Variants in FAM81A observed in about 807,000 individuals in gnomAD.
FAM81A encodes the protein family with sequence similarity 81 member A, also known as protein FAM81A.
FAM81A carries 19 observed loss-of-function variants against 46.7 expected under a neutral mutation model. That is an observed-to-expected ratio of 0.41 (90% CI 0.28 to 0.60). The LOEUF is 0.60. Among genes scored for constraint, FAM81A ranks in the 20% least tolerant of loss-of-function variants. The probability of loss-of-function intolerance (pLI) is 0.34; values close to 1 mark genes in which losing one functional copy is unlikely to be tolerated. For synonymous variants in FAM81A, 183 were observed against 152.9 expected, an observed-to-expected ratio of 1.20 and a Z score of -1.45; for missense variants, 377 against 453.5, an observed-to-expected ratio of 0.83 and a Z score of 1.53.
upstream of FAM81A, among the ~76,000 whole-genome samples, chr15:59,435,556 G>A (rs2081239645): frequency 6.6e-6 from 1 of 152,232 alleles, no homozygotes; most frequent in Non-Finnish European, 1.5e-5. Context: ...GGAGGCAGAG[G>A]TTGCAGTGAG....
chr15:59,423,921 A>C (rs1028719507), intron 2 of FAM81A, among the ~76,000 whole-genome samples: 1 of 152,188 alleles, frequency 6.6e-6, no homozygotes, highest in Non-Finnish European at 1.5e-5. Context: ...TTAAAGAACG[A>C]AACAACTTAT....
At chr15:59,414,772 A>G (rs529517941) in intron 2 of FAM81A, among the ~76,000 whole-genome samples, 1 of 152,276 alleles carries the variant, frequency 6.6e-6, no homozygotes, top group South Asian at 2.1e-4. Context: ...GTATTTAGCG[A>G]TGGCATTTCC....
chr15:59,466,137 T>C (rs2081610440), intron 3 of FAM81A, among the ~76,000 whole-genome samples: 1 of 152,232 alleles, frequency 6.6e-6, no homozygotes, highest in Admixed American at 6.5e-5. Flanking sequence ...GTTCCAAGTC[T>C]TTGCTATTCT....
intron 8 of FAM81A, among the ~76,000 whole-genome samples, chr15:59,519,059 C>G (rs2082298681): frequency 6.6e-6 from 1 of 151,828 alleles, no homozygotes; most frequent in Admixed American, 6.6e-5. Flanking sequence ...TCATGCTATA[C>G]ATTAGACATC....
At chr15:59,466,767 A>T (rs1466085007) in intron 3 of FAM81A, among the ~76,000 whole-genome samples, 2 of 152,200 alleles carry the variant, frequency 1.3e-5, no homozygotes, top group Non-Finnish European at 2.9e-5. Flanking sequence ...TGTTTTAGGC[A>T]TGAAGTCCTT....
At chr15:59,482,707 T>G (rs2141718754) in intron 3 of FAM81A, among the ~76,000 whole-genome samples, 1 of 152,352 alleles carries the variant, frequency 6.6e-6, no homozygotes, top group African/African-American at 2.4e-5. Context: ...TGAGAACCAC[T>G]GGTCTTATGC....
At chr15:59,507,887 A>G (rs2082166212) in intron 5 of FAM81A, among the ~76,000 whole-genome samples, 1 of 152,234 alleles carries the variant, frequency 6.6e-6, no homozygotes, top group Non-Finnish European at 1.5e-5. Context: ...TGGCCACTTA[A>G]AAGTTTCCCT....
At chr15:59,476,828 A>C (rs1344436548) in intron 3 of FAM81A, among the ~76,000 whole-genome samples, 1 of 150,144 alleles carries the variant, frequency 6.7e-6, no homozygotes, top group Non-Finnish European at 1.5e-5. Flanking sequence ...GCATAATATA[A>C]AACTGATACT....
chr15:59,454,358 T>C (rs542391960), intron 1 of FAM81A, among the ~76,000 whole-genome samples: 2 of 152,364 alleles, frequency 1.3e-5, no homozygotes, highest in African/African-American at 2.4e-5. Context: ...TTTACCATTT[T>C]ACATTAAAAT....
chr15:59,425,175 T>G (rs1054804235), intron 2 of FAM81A, among the ~76,000 whole-genome samples: 4 of 152,092 alleles, frequency 2.6e-5, no homozygotes, highest in Non-Finnish European at 4.4e-5. Context: ...CCCCTTAGAA[T>G]GTAAGCTCCA....
chr15:59,488,238 C>T (rs546272145), intron 3 of FAM81A, among the ~76,000 whole-genome samples: 1 of 151,896 alleles, frequency 6.6e-6, no homozygotes, highest in South Asian at 2.1e-4. Context: ...TGAGAAAAAC[C>T]CTCAAAAAAC....
chr15:59,421,725 G>GTCTATCTATCTA (rs1225607720), intron 2 of FAM81A, among the ~76,000 whole-genome samples: 4 of 137,312 alleles, frequency 2.9e-5, no homozygotes, highest in Non-Finnish European at 4.6e-5. Flanking sequence ...CTGTCTGTCT[G>GTCTATCTATCTA]TCTGTCTATC....
Position 59,458,613 on chromosome 15 carries a change from GA to G in FAM81A, c.-11del. ...TGTATTTCCTTCTCGTGTCACCAAG[GA>G]AAGGTATAATATATGGAAAATATGC... On this transcript the variant is annotated 5_prime_UTR_variant, in exon 2 of 9. Transcript: ENST00000288228. 1 of 1,613,920 alleles carries G rather than the reference GA, an allele frequency of 6.2e-7. No individual in the cohort carries two copies.
chr15:59,421,870 T>A (rs1168078856), intron 2 of FAM81A, among the ~76,000 whole-genome samples: 2 of 5,384 alleles, frequency 3.7e-4, no homozygotes, highest in African/African-American at 1.2e-3. Flanking sequence ...CCCTCAACCC[T>A]CTATCTATCT....
At chr15:59,480,384 G>A (rs1353600817) in intron 3 of FAM81A, among the ~76,000 whole-genome samples, 4 of 152,154 alleles carry the variant, frequency 2.6e-5, no homozygotes, top group African/African-American at 9.7e-5. Context: ...GGGCTTAGAT[G>A]TCCCAGGGGA....
At chr15:59,507,857 T>G (rs2082165938) in intron 5 of FAM81A, among the ~76,000 whole-genome samples, 1 of 152,266 alleles carries the variant, frequency 6.6e-6, no homozygotes, top group Non-Finnish European at 1.5e-5. Flanking sequence ...GCAAAACTTT[T>G]GGCATTTCAG....
Position 59,405,329 on chromosome 15 carries a change from C to T in FAM81A, c.-78+2971C>T, listed in dbSNP as rs138555353. Among the ~76,000 whole-genome samples the T allele has an allele frequency of 5.4e-3, 829 of 152,158 alleles. 6 individuals carry two copies. Among genetic ancestry groups the T allele is most frequent in the Admixed American group, 0.011 (175 of 15,272 alleles). Reference sequence around the variant, plus strand: ...GGGGTTTGGGAGGGTACAAAGAATACAACCGTATGCCTCTTTCCGCTAAGA... The same window carrying T: ...GGGGTTTGGGAGGGTACAAAGAATATAACCGTATGCCTCTTTCCGCTAAGA... On this transcript the variant is annotated intron_variant, in intron 2 of 4. Transcript: ENST00000558348.
chr15:59,411,228 G>T (rs1455818239), intron 2 of FAM81A, among the ~76,000 whole-genome samples: 1 of 152,198 alleles, frequency 6.6e-6, no homozygotes, highest in East Asian at 1.9e-4. Context: ...CACAGGCTGG[G>T]ATTTGCTTTG....
intron 5 of FAM81A, 40 bp downstream of exon 5, chr15:59,507,382 T>A (rs1316176469): frequency 6.3e-7 from 1 of 1,597,954 alleles, no homozygotes; most frequent in Non-Finnish European, 8.5e-7. Flanking sequence ...GCGGGTAATT[T>A]GTTCTTAGCT....
Sources: allele counts gnomAD v4.1 joint callset (sites outside exome capture counted in the v4.1 genomes callset), GRCh38; gene constraint gnomAD v4.1.1; transcripts MANE v1.5; gene names NCBI Gene and HGNC (gene_info 2026-07-23, HGNC 2026-07-21).